MS4A4E: variants seen among roughly 807,000 people sequenced by gnomAD.
MS4A4E encodes putative membrane-spanning 4-domains subfamily A member 4E.
A neutral mutation model predicts 13.3 loss-of-function variants in MS4A4E; 23 were observed. The ratio of observed to expected loss-of-function variants is 1.73; its 90% confidence interval spans 1.25 to 2.45. The LOEUF (loss-of-function observed/expected upper bound fraction) is 2.45, where lower values mean the gene tolerates loss of function less well. MS4A4E is among the 30% of genes most tolerant of loss of function. MS4A4E has a pLI of 0.00. For missense variants in MS4A4E, 144 were observed against 131.2 expected, an observed-to-expected ratio of 1.10 and a Z score of -0.48; for synonymous variants, 36 against 45.6, an observed-to-expected ratio of 0.79 and a Z score of 0.85.
intron 3 of MS4A4E, among the ~76,000 whole-genome samples, chr11:60,219,237 C>T (rs688460): frequency 0.42 from 63,514 of 152,000 alleles, 13,661 homozygotes; most frequent in Admixed American, 0.42. Flanking sequence ...TCTCTGTATG[C>T]CAGATCTTAC....
intron 3 of MS4A4E, among the ~76,000 whole-genome samples, chr11:60,217,029 A>G (rs2084203951): frequency 1.3e-5 from 2 of 152,194 alleles, no homozygotes; most frequent in Non-Finnish European, 2.9e-5. Flanking sequence ...ATGATCTAGA[A>G]AAACAGAATA....
At chr11:60,215,676 A>G (rs1436535028) in intron 3 of MS4A4E, among the ~76,000 whole-genome samples, 2 of 151,940 alleles carry the variant, frequency 1.3e-5, no homozygotes, top group African/African-American at 4.8e-5. Context: ...CATGTAGACT[A>G]TTATGTATTA....
At chr11:60,236,844 C>A (rs2084490307) in intron 1 of MS4A4E, among the ~76,000 whole-genome samples, 1 of 151,842 alleles carries the variant, frequency 6.6e-6, no homozygotes, top group African/African-American at 2.4e-5. Flanking sequence ...TCAAGCAATT[C>A]TCCTGCCTCA....
intron 3 of MS4A4E, among the ~76,000 whole-genome samples, chr11:60,226,821 T>C (rs1302680776): frequency 6.6e-6 from 1 of 152,064 alleles, no homozygotes; most frequent in Non-Finnish European, 1.5e-5. Flanking sequence ...AGGTATACAA[T>C]TGGTAAGGAA....
At chr11:60,221,633 T>C (rs536397916) in intron 3 of MS4A4E, among the ~76,000 whole-genome samples, 1 of 152,290 alleles carries the variant, frequency 6.6e-6, no homozygotes, top group African/African-American at 2.4e-5. Flanking sequence ...CATTGTGCAC[T>C]TTGCTTGGAA....
At chr11:60,208,344 A>T (rs987018166) in intron 6 of MS4A4E, among the ~76,000 whole-genome samples, 14 of 152,164 alleles carry the variant, frequency 9.2e-5, no homozygotes, top group African/African-American at 3.4e-4. Flanking sequence ...CTTAAAGGAA[A>T]TTAATTCCGC....
chr11:60,220,989 G>A (rs1352997553), intron 3 of MS4A4E, among the ~76,000 whole-genome samples: 5 of 152,206 alleles, frequency 3.3e-5, no homozygotes, highest in African/African-American at 9.7e-5. Flanking sequence ...GAACAGAGCA[G>A]ATCTAATTGT....
chr11:60,202,901 G>T (rs1330822125), intron 8 of MS4A4E, among the ~76,000 whole-genome samples: 1 of 152,162 alleles, frequency 6.6e-6, no homozygotes, highest in Non-Finnish European at 1.5e-5. Context: ...GAGGGAAGAT[G>T]ACTCCATTTT....
chr11:60,209,452 C>T (rs1057457094), intron 5 of MS4A4E, among the ~76,000 whole-genome samples: 2 of 152,206 alleles, frequency 1.3e-5, no homozygotes, highest in African/African-American at 4.8e-5. Flanking sequence ...CGGCCTTGCC[C>T]ACACTGATTT....
At chr11:60,217,246 C>T (rs546646226) in intron 3 of MS4A4E, among the ~76,000 whole-genome samples, 17 of 152,252 alleles carry the variant, frequency 1.1e-4, no homozygotes, top group Admixed American at 5.2e-4. Context: ...TTTTATCATG[C>T]GATTTGCTGA....
intron 1 of MS4A4E, among the ~76,000 whole-genome samples, chr11:60,232,743 G>T (rs1300610723): frequency 6.6e-6 from 1 of 152,076 alleles, no homozygotes; most frequent in Non-Finnish European, 1.5e-5. Flanking sequence ...TGAATCACTG[G>T]CTAGAGTGCA....
intron 6 of MS4A4E, among the ~76,000 whole-genome samples, chr11:60,207,940 AGTT>A (rs892621700): frequency 4.6e-4 from 70 of 152,278 alleles, no homozygotes; most frequent in African/African-American, 1.7e-3. Flanking sequence ...TTCCAGGAAA[AGTT>A]GTTGTAATAG....
At chr11:60,225,873 T>TA (rs35521652) in intron 3 of MS4A4E, among the ~76,000 whole-genome samples, 2 of 150,518 alleles carry the variant, frequency 1.3e-5, no homozygotes, top group South Asian at 2.1e-4. Flanking sequence ...TGCTTTTTTT[T>TA]AAAAAAAAGA....
At position 60,210,657 on chromosome 11, in the gene MS4A4E, G is replaced by A. The variant is rs570388256; in HGVS notation, c.382-1963C>T. Among the ~76,000 whole-genome samples, 11 of 152,270 alleles carry A rather than the reference G, an allele frequency of 7.2e-5. No individual in the cohort carries two copies. In the East Asian group the frequency reaches 2.1e-3, roughly 29 times the overall value. On this transcript the variant is annotated intron_variant, in intron 5 of 8. Coordinates refer to ENST00000651255, the MANE Select transcript of MS4A4E (RefSeq NM_001393391.1). ...ATCTTTTTCTTCCAGGAGAACCAAA[G>A]TTCCTTTGTGGTAGGGAACTGTTCT...
At chr11:60,214,758 C>A (rs2084169510) in intron 3 of MS4A4E, 144 bp from the exon 4 acceptor site, 2 of 445,808 alleles carry the variant, frequency 4.5e-6, no homozygotes, top group East Asian at 3.5e-5. Flanking sequence ...CAAGAGATTG[C>A]ACATAATTTT....
At chr11:60,226,877 A>C (rs2134957338) in intron 3 of MS4A4E, among the ~76,000 whole-genome samples, 1 of 152,332 alleles carries the variant, frequency 6.6e-6, no homozygotes, top group Admixed American at 6.5e-5. Flanking sequence ...TTGTCTGTGT[A>C]GAATATCTGA....
intron 2 of MS4A4E, 66 bp downstream of exon 2, chr11:60,229,846 A>G (rs947971356): frequency 1.3e-5 from 19 of 1,499,214 alleles, no homozygotes; most frequent in Admixed American, 9.9e-5. Context: ...TGTATTGGGC[A>G]TTAGCTCTGA....
Position 60,206,464 on chromosome 11 carries a change from C to T in MS4A4E, c.484-644G>A, listed in dbSNP as rs1202417275. The stretch of plus-strand genomic sequence containing the variant: ...ATGAGAACAAAATTTTGAATATATA[C>T]ACACACACACATATATATATATATG... On this transcript the variant is annotated intron_variant, in intron 6 of 8. Coordinates refer to ENST00000651255, the MANE Select transcript of MS4A4E (RefSeq NM_001393391.1). Among the ~76,000 whole-genome samples, 40 of 10,720 alleles carry T rather than the reference C, an allele frequency of 3.7e-3. No homozygotes were observed. The Admixed American group carries it at 0.055, about 15-fold the overall frequency. The allele number at this position is 10,720 out of a possible 152,430, so 7.0% of individuals were successfully genotyped here.
chr11:60,242,304 C>T (rs1203160116), intron 1 of MS4A4E, among the ~76,000 whole-genome samples: 1 of 152,182 alleles, frequency 6.6e-6, no homozygotes, highest in Non-Finnish European at 1.5e-5. Flanking sequence ...ACAATGACTA[C>T]GACTACTTAC....
Sources: allele counts gnomAD v4.1 joint callset (sites outside exome capture counted in the v4.1 genomes callset), GRCh38; gene constraint gnomAD v4.1.1; transcripts MANE v1.5; gene names NCBI Gene and HGNC (gene_info 2026-07-23, HGNC 2026-07-21).